The following ARK2C variants were observed in gnomAD, a reference collection of about 807,000 sequenced individuals.
ARK2C encodes E3 ubiquitin-protein ligase ARK2C.
At chr18:46,342,875 T>C in the ARK2C span, among the ~76,000 whole-genome samples, 1 of 152,240 alleles carries the variant, frequency 6.6e-6, no homozygotes, top group South Asian at 2.1e-4. Context: ...AGTCATATTT[T>C]TGTTCATCTA....
chr18:46,344,788 C>T, the ARK2C span, among the ~76,000 whole-genome samples: 9 of 152,204 alleles, frequency 5.9e-5, no homozygotes, highest in South Asian at 2.1e-4. Context: ...AACTGGTCCT[C>T]GCATGGCCCA....
At chr18:46,439,755 G>A in the ARK2C span, among the ~76,000 whole-genome samples, 1 of 152,106 alleles carries the variant, frequency 6.6e-6, no homozygotes, top group Non-Finnish European at 1.5e-5. Context: ...AAAAATAAGA[G>A]AATAGTATAA....
the ARK2C span, among the ~76,000 whole-genome samples, chr18:46,401,597 A>G: frequency 2.6e-5 from 4 of 152,198 alleles, no homozygotes; most frequent in Non-Finnish European, 5.9e-5. Context: ...GAGCCAAGGA[A>G]CACACAAATG....
At chr18:46,355,002 T>G in the ARK2C span, among the ~76,000 whole-genome samples, 1 of 152,162 alleles carries the variant, frequency 6.6e-6, no homozygotes, top group African/African-American at 2.4e-5. Context: ...CAGGCTGGAG[T>G]GCAGTGGTAC....
the ARK2C span, among the ~76,000 whole-genome samples, chr18:46,362,373 A>G: frequency 4.6e-5 from 7 of 152,254 alleles, no homozygotes; most frequent in Non-Finnish European, 1.0e-4. Flanking sequence ...AAGGAATAAC[A>G]GACTTTTAAT....
chr18:46,413,990 C>G, the ARK2C span, among the ~76,000 whole-genome samples: 1 of 152,204 alleles, frequency 6.6e-6, no homozygotes, highest in South Asian at 2.1e-4. Flanking sequence ...TCGGGTTCCT[C>G]TCTTAGAAAT....
chr18:46,380,713 G>A, the ARK2C span, among the ~76,000 whole-genome samples: 3 of 152,288 alleles, frequency 2.0e-5, 1 homozygote, highest in South Asian at 4.1e-4. Flanking sequence ...CTGGAGCCTC[G>A]AACCCAGCCT....
the ARK2C span, among the ~76,000 whole-genome samples, chr18:46,381,847 T>C: frequency 6.6e-6 from 1 of 150,838 alleles, no homozygotes; most frequent in African/African-American, 2.4e-5. Context: ...AAAAAGATGC[T>C]TAGGAATAAA....
chr18:46,389,065 T>C, the ARK2C span, among the ~76,000 whole-genome samples: 1 of 152,004 alleles, frequency 6.6e-6, no homozygotes, highest in South Asian at 2.1e-4. Flanking sequence ...TGGGAACAAC[T>C]ATTGGAGGGG....
At chr18:46,398,009 GTA>G in the ARK2C span, among the ~76,000 whole-genome samples, 1,085 of 144,654 alleles carry the variant, frequency 7.5e-3, 13 homozygotes, top group African/African-American at 0.026. Context: ...TGTGCATGTG[GTA>G]TGTGTGTGTG....
chr18:46,349,679 A>G, the ARK2C span, among the ~76,000 whole-genome samples: 2 of 152,118 alleles, frequency 1.3e-5, no homozygotes, highest in African/African-American at 2.4e-5. Context: ...CCAAAGCCCT[A>G]TTCAGCTTAG....
chr18:46,430,172 A>G, the ARK2C span, among the ~76,000 whole-genome samples: 1 of 152,098 alleles, frequency 6.6e-6, no homozygotes, highest in African/African-American at 2.4e-5. Context: ...TTGAGCTCCT[A>G]TATGTTTGAA....
the ARK2C span, chr18:46,337,601 A>G: frequency 6.1e-6 from 6 of 984,750 alleles, no homozygotes; most frequent in African/African-American, 1.7e-5. Flanking sequence ...CACAGAATCC[A>G]CTAATACTAA....
the ARK2C span, among the ~76,000 whole-genome samples, chr18:46,405,736 A>C: frequency 6.6e-6 from 1 of 152,054 alleles, no homozygotes; most frequent in Non-Finnish European, 1.5e-5. Context: ...GCCATCCAGG[A>C]TGGGTTGAAT....
chr18:46,407,913 G>A, the ARK2C span, among the ~76,000 whole-genome samples: 16 of 152,314 alleles, frequency 1.1e-4, no homozygotes, highest in African/African-American at 3.6e-4. Context: ...GATTGGTGGC[G>A]TCTTCAGGAT....
At chr18:46,334,417 C>T in the ARK2C span, 1 of 1,326,930 alleles carries the variant, frequency 7.5e-7, no homozygotes, top group South Asian at 1.4e-5. The surrounding 1 kb of genome is among the most constrained non-coding windows in gnomAD (Gnocchi z 4.4). Flanking sequence ...CGCGGGCGGC[C>T]GGGGGCTCAG....
the ARK2C span, chr18:46,450,309 T>C: frequency 6.2e-7 from 1 of 1,613,758 alleles, no homozygotes; most frequent in Non-Finnish European, 8.5e-7. Flanking sequence ...GTCCATGAAA[T>C]CCGAAACTAC....
chr18:46,401,675 A>T, the ARK2C span, among the ~76,000 whole-genome samples: 1 of 152,210 alleles, frequency 6.6e-6, no homozygotes, highest in Non-Finnish European at 1.5e-5. Context: ...AGCATGCTTC[A>T]GGCTGCTCGT....
the ARK2C span, among the ~76,000 whole-genome samples, chr18:46,428,772 G>A: frequency 9.9e-5 from 15 of 152,182 alleles, no homozygotes; most frequent in Non-Finnish European, 2.1e-4. Context: ...ATGAATTACA[G>A]AAACATATAT....
Sources: gnomAD v4.1 joint callset for allele counts (sites outside exome capture counted in the v4.1 genomes callset) on GRCh38, gnomAD v4.1.1 for gene constraint, Gnocchi (gnomAD v3.1) non-coding constraint, MANE v1.5 for transcripts, NCBI Gene and HGNC (gene_info 2026-07-23, HGNC 2026-07-21) for gene names.